SLC30A5: variants seen among roughly 807,000 people sequenced by gnomAD.
SLC30A5 encodes proton-coupled zinc antiporter SLC30A5.
SLC30A5 carries 33 observed loss-of-function variants against 79.6 expected under a neutral mutation model. The ratio of observed to expected loss-of-function variants is 0.41; its 90% confidence interval spans 0.31 to 0.55. SLC30A5 has a LOEUF of 0.55. Ranked by LOEUF, SLC30A5 falls within the 20% of genes least tolerant of loss-of-function variation. SLC30A5 has a pLI of 0.20. For synonymous variants in SLC30A5, 299 were observed against 319.7 expected (o/e 0.94, Z 0.69); for missense variants, 788 against 928.1 (o/e 0.85, Z 1.96).
In SLC30A5 at chr5:69,116,279, A is replaced by G; in HGVS notation, c.1072+65A>G. The G allele has an allele frequency of 6.6e-7, 1 of 1,510,162 alleles. No individual in the cohort carries two copies. 93.5% of individuals were successfully genotyped at this position (1,510,162 alleles called of 1,614,324 possible). On this transcript the variant is annotated intron_variant, in intron 9 of 15. Coordinates refer to ENST00000396591, the MANE Select transcript of SLC30A5 (RefSeq NM_022902.5). The surrounding 1 kb of genome is among the most constrained non-coding windows in gnomAD (Gnocchi z 4.0). ...ATTTATGGATTTTGATGGTCACATC[A>G]TTTACTTATTTTGGGAAATTCTTCA...
intron 14 of SLC30A5, among the ~76,000 whole-genome samples, chr5:69,125,533 C>A (rs1231003139): frequency 1.5e-5 from 2 of 136,950 alleles, no homozygotes; most frequent in Admixed American, 1.5e-4. Context: ...TGTCCTTCCC[C>A]ACACACAAAA....
In SLC30A5 at chr5:69,108,410, A is replaced by G. The variant is rs1373656001; in HGVS notation, c.421A>G (p.Thr141Ala). Reference protein sequence around the residue: ...VVISLLSVLFTSSGGGPAKTR... With the variant: ...VVISLLSVLFASSGGGPAKTR... ...CATTTCACTACTCAGTGTTTTGTTC[A>G]CCAGTTCTGGAGGAGGACCAGCAAA... Residue 141 changes from threonine to alanine, a missense_variant, in exon 5 of 16, where the codon ACC (threonine) becomes GCC (alanine). Transcript: ENST00000396591. 1.9e-6 allele frequency: 3 copies of G among 1,613,740 alleles called. No homozygotes were observed. The highest frequency in any genetic ancestry group is 2.5e-6 in the Non-Finnish European group (3 of 1,179,768).
chr5:69,125,178 C>T (rs1746641476), intron 14 of SLC30A5, among the ~76,000 whole-genome samples: 1 of 151,238 alleles, frequency 6.6e-6, no homozygotes, highest in Non-Finnish European at 1.5e-5. Context: ...TCACCTGAGG[C>T]CAGGAGTTCA....
chr5:69,119,384 C>CTTTT (rs752132335), intron 12 of SLC30A5, among the ~76,000 whole-genome samples: 1 of 152,028 alleles, frequency 6.6e-6, no homozygotes, highest in African/African-American at 2.4e-5. Flanking sequence ...TGTTAGATTC[C>CTTTT]TTTTCTCAGT....
Position 69,128,094 on chromosome 5 carries a change from G to A in SLC30A5, c.2089G>A (p.Val697Met). The A allele has an allele frequency of 6.2e-6, 10 of 1,612,358 alleles. No homozygotes were observed. The highest frequency in any genetic ancestry group is 8.5e-6 in the Non-Finnish European group (10 of 1,178,992). Residue 697 changes from valine (V) to methionine (M), a missense_variant, in exon 15 of 16, where the codon GTG becomes ATG. By Grantham distance (21) the Val-to-Met change is conservative. Coordinates refer to ENST00000396591, the MANE Select transcript of SLC30A5 (RefSeq NM_022902.5). ...TGTGGCAGGAACAATTCATATACAG[G>A]TGACATCTGATGTGCTAGAACAAAG... ...SIVAGTIHIQ[V>M]TSDVLEQRIV... is the part of the protein sequence containing the mutation.
intron 4 of SLC30A5, among the ~76,000 whole-genome samples, chr5:69,106,227 A>G (rs1746076033): frequency 6.6e-6 from 1 of 152,198 alleles, no homozygotes; most frequent in Non-Finnish European, 1.5e-5. Context: ...TAGCCACAGT[A>G]GCAGCTGCAG....
At position 69,129,884 on chromosome 5, in the gene SLC30A5, G is replaced by C. The variant is rs1453873231; in HGVS notation, c.*267G>C. The C allele has an allele frequency of 8.2e-6, 2 of 243,452 alleles. No homozygotes were observed. Among genetic ancestry groups the C allele is most frequent in the Non-Finnish European group, 1.6e-5 (2 of 128,002 alleles). 15.1% of individuals were successfully genotyped at this position (243,452 alleles called of 1,614,324 possible). On this transcript the variant is annotated 3_prime_UTR_variant, in exon 16 of 16. Transcript: ENST00000396591. The stretch of plus-strand genomic sequence containing the variant: ...TTACATCATCTTCAAAAATAGATAT[G>C]ATGGATTCTAGTGAAGACCAAAATT...
rs933953005 is a variant in SLC30A5, at chr5:69,094,185, G to A, written c.-71G>A. The A allele has an allele frequency of 1.8e-5, 15 of 826,638 alleles. No homozygotes were observed. The highest frequency in any genetic ancestry group is 2.5e-5 in the Non-Finnish European group (15 of 604,356). The allele number at this position is 826,638 out of a possible 1,614,324, so 51.2% of individuals were successfully genotyped here. A position where few individuals can be genotyped will look rare whatever the true frequency, so the allele number is the denominator to read the frequency against. On this transcript the variant is annotated 5_prime_UTR_variant, in exon 1 of 16. Coordinates refer to ENST00000396591, the MANE Select transcript of SLC30A5 (RefSeq NM_022902.5). ...GGGGAGTGACGCGCCTGCACCCGCT[G>A]TTCCGCGGCAGCGGCGAGACATGAG...
chr5:69,104,004 GAC>G (rs759656392), intron 3 of SLC30A5: 1 of 1,569,688 alleles, frequency 6.4e-7, no homozygotes, highest in South Asian at 1.2e-5. Context: ...AGAATTTAAA[GAC>G]AAAAAGTTAA....
intron 4 of SLC30A5, among the ~76,000 whole-genome samples, chr5:69,106,813 AT>A (rs1746093091): frequency 1.3e-5 from 2 of 150,714 alleles, no homozygotes; most frequent in African/African-American, 4.9e-5. Context: ...GTACAAAAAT[AT>A]TTTTTCTTTA....
intron 1 of SLC30A5, among the ~76,000 whole-genome samples, chr5:69,098,024 T>A (rs1745796342): frequency 6.6e-6 from 1 of 151,918 alleles, no homozygotes; most frequent in Non-Finnish European, 1.5e-5. Context: ...TTTTAAAAAC[T>A]TTTTGGAGAG....
chr5:69,115,165 A>AAAAAT, intron 7 of SLC30A5, 72 bp from the exon 8 acceptor site: 1 of 754,564 alleles, frequency 1.3e-6, no homozygotes, highest in Non-Finnish European at 2.0e-6. Flanking sequence ...AAAAAAAAAA[A>AAAAAT]GATCATGTAT....
At chr5:69,108,469 G>T in intron 5 of SLC30A5, 33 bp downstream of exon 5, 1 of 1,409,966 alleles carries the variant, frequency 7.1e-7, no homozygotes, top group South Asian at 1.2e-5. Flanking sequence ...ACTTGGAAAT[G>T]GAAAGTATGT....
rs1402107495 is a variant in SLC30A5 at position 69,094,142 on chromosome 5, G to A, written c.-114G>A. ...GTGGCGGCCCGGCCTGCAGGAGCCC[G>A]ACGGGGTCTCTGCCATGGGGGAGTG... On this transcript the variant is annotated 5_prime_UTR_variant, in exon 1 of 16. Coordinates refer to ENST00000396591, the MANE Select transcript of SLC30A5 (RefSeq NM_022902.5). 10 of 524,768 alleles carry A rather than the reference G, an allele frequency of 1.9e-5. No homozygotes were observed. Among genetic ancestry groups the A allele is most frequent in the Non-Finnish European group, 3.0e-5 (10 of 331,640 alleles). 32.5% of individuals were successfully genotyped at this position (524,768 alleles called of 1,614,324 possible).
At chr5:69,102,120 C>G (rs1745945002) in intron 2 of SLC30A5, among the ~76,000 whole-genome samples, 1 of 130,028 alleles carries the variant, frequency 7.7e-6, no homozygotes, top group African/African-American at 2.9e-5. Flanking sequence ...GTGGCTCAAT[C>G]TCAACTCACT....
chr5:69,121,948 C>A, intron 13 of SLC30A5, 53 bp downstream of exon 13: 1 of 1,429,160 alleles, frequency 7.0e-7, no homozygotes, highest in Non-Finnish European at 9.6e-7. Context: ...TAAATCAACC[C>A]TCTGTGTTTA....
chr5:69,122,342 G>A lies in SLC30A5; in HGVS notation c.1771+447G>A, dbSNP rs192293763. Among the ~76,000 whole-genome samples, 25 of 152,198 alleles carry A rather than the reference G, an allele frequency of 1.6e-4. No homozygotes were observed. The East Asian group carries it at 1.7e-3, about 11-fold the overall frequency. On this transcript the variant is annotated intron_variant, in intron 13 of 15. Transcript: ENST00000396591. ...CAGGTGTGAGCCACCATGCCTGGCCGTCACAGAAAATTTTTTAAAAAGAAA... is the reference window on the plus strand; with the variant it reads ...CAGGTGTGAGCCACCATGCCTGGCCATCACAGAAAATTTTTTAAAAAGAAA...
intron 8 of SLC30A5, 142 bp downstream of exon 8, chr5:69,115,549 GT>G (rs1746344232): frequency 1.5e-6 from 1 of 682,612 alleles, no homozygotes; most frequent in Non-Finnish European, 2.3e-6. Flanking sequence ...TTTCTTTGTA[GT>G]TTTTTAAAAA....
intron 7 of SLC30A5, 23 bp downstream of exon 7, chr5:69,114,519 A>C (rs770096409): frequency 7.2e-7 from 1 of 1,394,430 alleles, no homozygotes; most frequent in African/African-American, 1.4e-5. Flanking sequence ...TGTTCCTAAC[A>C]GGATCAAAAG....
Sources: gnomAD v4.1 joint callset for allele counts (sites outside exome capture counted in the v4.1 genomes callset) on GRCh38, gnomAD v4.1.1 for gene constraint, Gnocchi (gnomAD v3.1) non-coding constraint, MANE v1.5 for transcripts, NCBI Gene and HGNC (gene_info 2026-07-23, HGNC 2026-07-21) for gene names.